The following NRG3 variants were observed in gnomAD, a reference collection of about 807,000 sequenced individuals.
NRG3 encodes the protein pro-neuregulin-3, membrane-bound isoform.
A neutral mutation model predicts 66.9 loss-of-function variants in NRG3; 31 were observed. The ratio of observed to expected loss-of-function variants is 0.46; its 90% CI spans 0.35 to 0.63. The LOEUF (loss-of-function observed/expected upper bound fraction) is 0.63, where lower values mean the gene tolerates loss of function less well. Among genes scored for constraint, NRG3 ranks in the 20% least tolerant of loss-of-function variants. The pLI, the probability that NRG3 is intolerant of heterozygous loss-of-function variation, is 0.00. For synonymous variants in NRG3, 393 were observed against 359.4 expected (o/e 1.09, Z -1.06); for missense variants, 910 against 878.9 (o/e 1.04, Z -0.45).
At chr10:81,911,349 A>G (rs1845126216) in intron 1 of NRG3, among the ~76,000 whole-genome samples, 1 of 152,152 alleles carries the variant, frequency 6.6e-6, no homozygotes, top group Non-Finnish European at 1.5e-5. Flanking sequence ...GCTATGGTGC[A>G]AAGCCTAGGA....
intron 1 of NRG3, among the ~76,000 whole-genome samples, chr10:82,233,281 T>C (rs1001516056): frequency 1.4e-4 from 22 of 152,030 alleles, no homozygotes; most frequent in Admixed American, 1.2e-3. Flanking sequence ...AGGAGAATGG[T>C]GTGTACCCGG....
chr10:82,576,835 C>T (rs2046060721), intron 2 of NRG3, among the ~76,000 whole-genome samples: 1 of 151,688 alleles, frequency 6.6e-6, no homozygotes, highest in South Asian at 2.1e-4. Flanking sequence ...AGTAAATAAA[C>T]AAATGTCTCT....
intron 1 of NRG3, among the ~76,000 whole-genome samples, chr10:82,083,221 C>A (rs1305814268): frequency 6.6e-6 from 1 of 151,840 alleles, no homozygotes; most frequent in Non-Finnish European, 1.5e-5. Context: ...TTGGCTCTGT[C>A]CCATATATAC....
chr10:82,743,906 C>T (rs959839673), intron 3 of NRG3, among the ~76,000 whole-genome samples: 1 of 152,112 alleles, frequency 6.6e-6, no homozygotes, highest in African/African-American at 2.4e-5. Flanking sequence ...TGTGTGTCAA[C>T]AATTAGGTGA....
At chr10:82,117,284 T>A (rs542809972) in intron 1 of NRG3, among the ~76,000 whole-genome samples, 9 of 152,244 alleles carry the variant, frequency 5.9e-5, no homozygotes, top group African/African-American at 1.9e-4. Flanking sequence ...CTTTGCTCAC[T>A]CACTCATTGA....
At chr10:82,738,890 A>G (rs2058285339) in intron 3 of NRG3, among the ~76,000 whole-genome samples, 1 of 152,186 alleles carries the variant, frequency 6.6e-6, no homozygotes, top group African/African-American at 2.4e-5. Flanking sequence ...GGGAACTCCC[A>G]ACAACCCGGG....
At chr10:82,648,844 G>T (rs944413420) in intron 2 of NRG3, among the ~76,000 whole-genome samples, 8 of 152,120 alleles carry the variant, frequency 5.3e-5, no homozygotes, top group African/African-American at 1.9e-4. Context: ...TGTGATTTTT[G>T]TACATTGATT....
intron 2 of NRG3, among the ~76,000 whole-genome samples, chr10:82,684,632 A>T (rs937760903): frequency 3.3e-5 from 5 of 152,202 alleles, no homozygotes; most frequent in Admixed American, 6.5e-5. Context: ...CTCTAAACTA[A>T]AGAAACAGTA....
intron 2 of NRG3, among the ~76,000 whole-genome samples, chr10:82,484,600 C>T (rs1842536868): frequency 6.6e-6 from 1 of 152,218 alleles, no homozygotes; most frequent in South Asian, 2.1e-4. Flanking sequence ...TCTACAAATT[C>T]CCAGTTGTCA....
intron 1 of NRG3, among the ~76,000 whole-genome samples, chr10:82,100,540 G>C (rs950403366): frequency 1.3e-5 from 2 of 151,970 alleles, no homozygotes; most frequent in Non-Finnish European, 2.9e-5. Context: ...GGTGTGAGTT[G>C]CATGATCAGG....
intron 1 of NRG3, among the ~76,000 whole-genome samples, chr10:82,238,982 C>T (rs968697351): frequency 7.7e-5 from 10 of 129,198 alleles, no homozygotes; most frequent in Admixed American, 6.8e-4. Context: ...TCCTCCAAGT[C>T]ATAAAGATAT....
At chr10:82,001,621 C>T (rs998222142) in intron 1 of NRG3, among the ~76,000 whole-genome samples, 3 of 152,132 alleles carry the variant, frequency 2.0e-5, no homozygotes, top group Non-Finnish European at 4.4e-5. Flanking sequence ...CCTTACTACG[C>T]AAGTGCCCTA....
At chr10:82,168,052 T>G (rs2133055984) in intron 1 of NRG3, among the ~76,000 whole-genome samples, 1 of 152,228 alleles carries the variant, frequency 6.6e-6, no homozygotes, top group African/African-American at 2.4e-5. Flanking sequence ...TATTTGTCAA[T>G]ATTATTCCTC....
At chr10:82,858,942 C>CTTTTTTTTTT (rs534067829) in intron 3 of NRG3, among the ~76,000 whole-genome samples, 2 of 124,236 alleles carry the variant, frequency 1.6e-5, no homozygotes, top group Non-Finnish European at 3.3e-5. Context: ...AGTAGTCTAA[C>CTTTTTTTTTT]TTTTTTTTTT....
chr10:82,123,551 C>T (rs2068231070), intron 1 of NRG3, among the ~76,000 whole-genome samples: 1 of 152,160 alleles, frequency 6.6e-6, no homozygotes, highest in Non-Finnish European at 1.5e-5. Flanking sequence ...CGGACACTGG[C>T]ATCCTCCTCC....
chr10:82,864,528 G>A (rs2064322772), intron 3 of NRG3, among the ~76,000 whole-genome samples: 1 of 151,902 alleles, frequency 6.6e-6, no homozygotes, highest in Non-Finnish European at 1.5e-5. Context: ...AAATATTATG[G>A]CAACAGAAAA....
At chr10:82,233,100 C>A (rs879750093) in intron 1 of NRG3, among the ~76,000 whole-genome samples, 11 of 152,214 alleles carry the variant, frequency 7.2e-5, no homozygotes, top group Non-Finnish European at 1.3e-4. Context: ...CGCAGTGGCT[C>A]ACGCCTGTAA....
At chr10:82,200,676 GTAC>G (rs1463580832) in intron 1 of NRG3, among the ~76,000 whole-genome samples, 1 of 152,156 alleles carries the variant, frequency 6.6e-6, no homozygotes, top group African/African-American at 2.4e-5. Flanking sequence ...CAAGCAGCTA[GTAC>G]TGCAATGAAT....
chr10:81,969,034 T>C (rs1300386078), intron 1 of NRG3, among the ~76,000 whole-genome samples: 1 of 152,030 alleles, frequency 6.6e-6, no homozygotes. Context: ...TAAGAATAGG[T>C]CATGTAAGGT....
Sources: allele counts gnomAD v4.1 joint callset (sites outside exome capture counted in the v4.1 genomes callset), GRCh38; gene constraint gnomAD v4.1.1; transcripts MANE v1.5; gene names NCBI Gene and HGNC (gene_info 2026-07-23, HGNC 2026-07-21).